IL1RL2: variants seen among roughly 807,000 people sequenced by gnomAD.
IL1RL2 encodes the protein interleukin 1 receptor like 2.
IL1RL2 carries 68 observed loss-of-function variants against 66.8 expected under a neutral mutation model. The observed-to-expected ratio is 1.02, with a 90% CI of 0.84 to 1.25. The LOEUF (loss-of-function observed/expected upper bound fraction) is 1.25, where lower values mean the gene tolerates loss of function less well. Ranked by LOEUF, IL1RL2 falls within the 50% of genes most tolerant of loss-of-function variation. The pLI, the probability that IL1RL2 is intolerant of heterozygous loss-of-function variation, is 0.00. For missense variants in IL1RL2, 729 were observed against 709.3 expected, an observed-to-expected ratio of 1.03 and a Z score of -0.32; for synonymous variants, 305 against 264.6, an observed-to-expected ratio of 1.15 and a Z score of -1.48.
intron 9 of IL1RL2, among the ~76,000 whole-genome samples, chr2:102,227,797 T>C (rs1463177229): frequency 6.6e-6 from 1 of 152,174 alleles, no homozygotes; most frequent in Admixed American, 6.5e-5. Context: ...CCATGGTGTG[T>C]CTCTCTCACT....
At chr2:102,190,830 C>A (rs1474628249) in intron 3 of IL1RL2, among the ~76,000 whole-genome samples, 1 of 152,108 alleles carries the variant, frequency 6.6e-6, no homozygotes, top group Non-Finnish European at 1.5e-5. Flanking sequence ...AATCTGGGAG[C>A]TGTGAAATGA....
chr2:102,233,943 T>C (rs1674593090), intron 10 of IL1RL2, among the ~76,000 whole-genome samples: 1 of 152,156 alleles, frequency 6.6e-6, no homozygotes, highest in Non-Finnish European at 1.5e-5. Flanking sequence ...TGATGGACAG[T>C]ATTCTAGGCA....
At chr2:102,232,529 T>C (rs1243704423) in intron 9 of IL1RL2, among the ~76,000 whole-genome samples, 1 of 152,238 alleles carries the variant, frequency 6.6e-6, no homozygotes, top group African/African-American at 2.4e-5. Context: ...TCTTGTTATG[T>C]TGCCGAGGCT....
At chr2:102,214,379 C>G (rs560406121) in intron 6 of IL1RL2, among the ~76,000 whole-genome samples, 2 of 152,208 alleles carry the variant, frequency 1.3e-5, no homozygotes, top group Non-Finnish European at 2.9e-5. Context: ...AAGCTAATAG[C>G]ATTTTTACAT....
intron 11 of IL1RL2, chr2:102,235,719 CA>C: frequency 1.0e-6 from 1 of 985,414 alleles, no homozygotes; most frequent in Non-Finnish European, 1.2e-6. Flanking sequence ...GCAAGGATAG[CA>C]GTATTTGTCC....
chr2:102,195,039 G>A (rs929821159), intron 4 of IL1RL2, among the ~76,000 whole-genome samples: 1 of 152,164 alleles, frequency 6.6e-6, no homozygotes, highest in Non-Finnish European at 1.5e-5. Flanking sequence ...ATGAAGGAGT[G>A]TGGTTGTGTT....
At chr2:102,239,161 A>G in intron 11 of IL1RL2, 31 bp from the exon 12 acceptor site, 1 of 1,609,850 alleles carries the variant, frequency 6.2e-7, no homozygotes, top group African/African-American at 1.3e-5. Context: ...CCACATCAGA[A>G]AAGGAGTAAA....
intron 2 of IL1RL2, among the ~76,000 whole-genome samples, 192 bp from the exon 3 acceptor site, chr2:102,188,884 T>A (rs1442211170): frequency 2.6e-5 from 4 of 152,122 alleles, no homozygotes; most frequent in Non-Finnish European, 5.9e-5. Context: ...GTTTTATGGA[T>A]ACATTTAAAG....
downstream of IL1RL2, among the ~76,000 whole-genome samples, chr2:102,241,610 G>A (rs763897864): frequency 2.0e-5 from 3 of 152,212 alleles, no homozygotes; most frequent in Non-Finnish European, 4.4e-5. Flanking sequence ...ATCTGATGCC[G>A]CCAGGTAGGG....
chr2:102,189,322 A>T lies in IL1RL2; in HGVS notation c.293+12A>T. 1.3e-6 allele frequency: 2 copies of T among 1,517,736 alleles called. No homozygotes were observed. Among genetic ancestry groups the T allele is most frequent in the Non-Finnish European group, 1.8e-6 (2 of 1,104,390 alleles). 94.0% of individuals were successfully genotyped at this position (1,517,736 alleles called of 1,614,324 possible). Reference sequence around the variant, plus strand: ...CAATGTGTTATAAAGTAAGTTCCTAATTTAAAATAGAACTAACTCGTGTGT... The same window carrying T: ...CAATGTGTTATAAAGTAAGTTCCTATTTTAAAATAGAACTAACTCGTGTGT... On this transcript the variant is annotated intron_variant, in intron 3 of 11. Transcript: ENST00000264257.
intron 7 of IL1RL2, 28 bp from the exon 8 acceptor site, chr2:102,219,853 A>G: frequency 6.3e-7 from 1 of 1,585,670 alleles, no homozygotes; most frequent in Non-Finnish European, 8.7e-7. Flanking sequence ...TGACTCATGT[A>G]TTAATGACTT....
At chr2:102,219,377 T>C (rs1689896085) in intron 7 of IL1RL2, among the ~76,000 whole-genome samples, 1 of 152,200 alleles carries the variant, frequency 6.6e-6, no homozygotes, top group Non-Finnish European at 1.5e-5. Flanking sequence ...ACACTGGAAA[T>C]GACACAAATG....
intron 6 of IL1RL2, among the ~76,000 whole-genome samples, chr2:102,215,724 C>A (rs1057304467): frequency 6.6e-6 from 1 of 152,190 alleles, no homozygotes; most frequent in Non-Finnish European, 1.5e-5. Flanking sequence ...CAAACTCCTG[C>A]AGCCTAGGCC....
intron 9 of IL1RL2, among the ~76,000 whole-genome samples, chr2:102,229,322 C>T (rs958497935): frequency 6.6e-6 from 1 of 152,202 alleles, no homozygotes; most frequent in African/African-American, 2.4e-5. Flanking sequence ...ATTGCTGGGG[C>T]TACTTTTGGA....
At chr2:102,188,949 C>T in intron 2 of IL1RL2, 127 bp from the exon 3 acceptor site, 1 of 666,024 alleles carries the variant, frequency 1.5e-6, no homozygotes, top group Non-Finnish European at 2.5e-6. Flanking sequence ...CTTCCAGACT[C>T]AAGAAACTCC....
intron 4 of IL1RL2, among the ~76,000 whole-genome samples, chr2:102,196,905 A>T (rs1687834017): frequency 6.6e-6 from 1 of 152,196 alleles, no homozygotes; most frequent in African/African-American, 2.4e-5. Context: ...GAATGGCATG[A>T]GCAAATTCAC....
At chr2:102,217,456 C>T (rs1458748168) in intron 6 of IL1RL2, among the ~76,000 whole-genome samples, 1 of 152,024 alleles carries the variant, frequency 6.6e-6, no homozygotes, top group African/African-American at 2.4e-5. Flanking sequence ...ATAGCCAAAG[C>T]AATCTTGAGA....
In IL1RL2 at chr2:102,221,945, A is replaced by G. The variant is rs1328371234; in HGVS notation, c.991+1928A>G. Among the ~76,000 whole-genome samples, 4 of 152,176 alleles carry G rather than the reference A, an allele frequency of 2.6e-5. No homozygotes were observed. The East Asian group carries it at 7.7e-4, about 29-fold the overall frequency. On this transcript the variant is annotated intron_variant, in intron 8 of 11. Coordinates refer to ENST00000264257, the MANE Select transcript of IL1RL2 (RefSeq NM_003854.4). ...CACATAACAAGTCATTGTATAGCAA[A>G]CACTCATGAAACTACCACCTGGATT... is the stretch of plus-strand genomic sequence containing the variant.
At chr2:102,226,997 G>A (rs2104865363) in intron 9 of IL1RL2, among the ~76,000 whole-genome samples, 1 of 152,326 alleles carries the variant, frequency 6.6e-6, no homozygotes. Flanking sequence ...TGCCAGTGCT[G>A]TTTGGCATAG....
Sources: allele counts gnomAD v4.1 joint callset (sites outside exome capture counted in the v4.1 genomes callset), GRCh38; gene constraint gnomAD v4.1.1; transcripts MANE v1.5; gene names NCBI Gene and HGNC (gene_info 2026-07-23, HGNC 2026-07-21).